The following HEATR1 variants were observed in gnomAD, a reference collection of about 807,000 sequenced individuals.
HEATR1 encodes the protein HEAT repeat containing 1, also known as HEAT repeat-containing protein 1.
Under a neutral mutation model 248.2 loss-of-function variants are expected in HEATR1, and 77 were observed. The observed-to-expected ratio is 0.31, with a 90% CI of 0.26 to 0.37. The LOEUF is 0.37. Ranked by LOEUF, HEATR1 falls within the 10% of genes least tolerant of loss-of-function variation. The probability of loss-of-function intolerance (pLI) is 1.00; values close to 1 mark genes in which losing one functional copy is unlikely to be tolerated. For missense variants in HEATR1, 2,420 were observed against 2,504.9 expected (o/e 0.97, Z 0.72); for synonymous variants, 897 against 923.1 (o/e 0.97, Z 0.51).
At chr1:236,586,065 C>T (rs1187686829) in intron 15 of HEATR1, 124 bp from the exon 16 acceptor site, 9 of 1,343,858 alleles carry the variant, frequency 6.7e-6, no homozygotes, top group East Asian at 4.9e-5. Context: ...TCCTTGTATC[C>T]GATTCTGAAT....
chr1:236,596,689 G>A (rs1381217218), intron 6 of HEATR1, 147 bp downstream of exon 6: 65 of 714,388 alleles, frequency 9.1e-5, no homozygotes, highest in Non-Finnish European at 1.3e-4. Context: ...ATAAAAAAGT[G>A]TCATATTTTC....
chr1:236,553,506 C>A, intron 43 of HEATR1, 75 bp downstream of exon 43: 1 of 1,434,890 alleles, frequency 7.0e-7, no homozygotes. Context: ...GGGCCTACAT[C>A]TGTGACCACC....
intron 44 of HEATR1, 60 bp from the exon 45 acceptor site, chr1:236,551,050 T>C: frequency 2.3e-6 from 3 of 1,317,762 alleles, no homozygotes; most frequent in Non-Finnish European, 2.1e-6. Context: ...GCCTCGGTTC[T>C]CATTAGTTTA....
Position 236,595,973 on chromosome 1 carries a change from C to G in HEATR1, c.816G>C (p.Val272=). 1.9e-6 allele frequency: 3 copies of G among 1,613,850 alleles called. No individual in the cohort carries two copies. The highest frequency in any genetic ancestry group is 2.5e-6 in the Non-Finnish European group (3 of 1,179,830). ...AATTCACAAAGGTATTTTCCATGGT[C>G]ACTTTCACAGAAATCTGACATATTA... is the stretch of plus-strand genomic sequence containing the variant. ...YMIICQISVK[V]TMENTFVNSL... Residue 272 remains valine, a synonymous_variant, in exon 7 of 45, where the codon GTG becomes GTC. Coordinates refer to ENST00000366582, the MANE Select transcript of HEATR1 (RefSeq NM_018072.6).
chr1:236,550,991 C>G lies in HEATR1; in HGVS notation c.6347-1G>C. The G allele has an allele frequency of 1.0e-6, 1 of 953,678 alleles. No homozygotes were observed. The highest frequency in any genetic ancestry group is 1.5e-6 in the Non-Finnish European group (1 of 679,780). The allele number at this position is 953,678 out of a possible 1,614,324, so 59.1% of individuals were successfully genotyped here. A position where few individuals can be genotyped will look rare whatever the true frequency, so the allele number is the denominator to read the frequency against. The stretch of plus-strand genomic sequence containing the variant: ...TGATGTTCTACTTCTTCACATTCAT[C>G]TAAAAAAAAAAAAAAAAAATCAAAA... On this transcript the variant is annotated splice_acceptor_variant, in intron 44 of 44. Transcript: ENST00000366582. LOFTEE classifies it high-confidence loss of function.
In HEATR1 at chr1:236,549,362, A is replaced by G. The variant is rs1572025108; in HGVS notation, c.*1540T>C. On this transcript the variant is annotated 3_prime_UTR_variant, in exon 45 of 45. Transcript: ENST00000366582. Reference sequence around the variant, plus strand: ...TTTACAGGTCAGATCTTGTTACAGGAAATTTCAAAGGTTTGGGAGTGGGGA... The same window carrying G: ...TTTACAGGTCAGATCTTGTTACAGGGAATTTCAAAGGTTTGGGAGTGGGGA... 1 of 175,198 alleles carries G rather than the reference A, an allele frequency of 5.7e-6. No individual in the cohort carries two copies. The highest frequency in any genetic ancestry group is 2.3e-5 in the African/African-American group (1 of 42,652). The allele number at this position is 175,198 out of a possible 1,614,324, so 10.9% of individuals were successfully genotyped here.
intron 22 of HEATR1, among the ~76,000 whole-genome samples, chr1:236,575,602 A>G (rs12030884): frequency 1.3e-5 from 2 of 152,344 alleles, no homozygotes; most frequent in East Asian, 3.9e-4. Flanking sequence ...AAGAAAGTGT[A>G]ATCAAATGGT....
At chr1:236,554,296 G>C (rs1662874799) in intron 42 of HEATR1, among the ~76,000 whole-genome samples, 1 of 152,108 alleles carries the variant, frequency 6.6e-6, no homozygotes, top group Admixed American at 6.6e-5. Flanking sequence ...GGAGGCTGAG[G>C]CACAAGAATT....
chr1:236,557,926 A>G (rs1406658503), intron 36 of HEATR1, among the ~76,000 whole-genome samples: 1 of 152,194 alleles, frequency 6.6e-6, no homozygotes, highest in Non-Finnish European at 1.5e-5. Context: ...TTCTGTTTGA[A>G]GATTAATTAT....
chr1:236,597,681 T>C (rs1350206090), intron 5 of HEATR1, among the ~76,000 whole-genome samples, 197 bp downstream of exon 5: 2 of 140,154 alleles, frequency 1.4e-5, no homozygotes, highest in East Asian at 4.2e-4. Flanking sequence ...ACACCTTTGG[T>C]GATAAAAGAC....
In HEATR1 at chr1:236,585,200, C is replaced by T; in HGVS notation, c.2066G>A (p.Ser689Asn). The T allele has an allele frequency of 6.2e-7, 1 of 1,609,934 alleles. No individual in the cohort carries two copies. The highest frequency in any genetic ancestry group is 1.3e-5 in the African/African-American group (1 of 74,740). ...SMLKMVEDLI[S>N]VGEEESFNLK... ...GTTAAAGGACTCCTCCTCACCCACGCTTATTAAATCCTCCACCTTGAAAAA... is the reference window on the plus strand; with the variant it reads ...GTTAAAGGACTCCTCCTCACCCACGTTTATTAAATCCTCCACCTTGAAAAA... Residue 689 changes from serine (S) to asparagine (N), a missense_variant, in exon 17 of 45, where the codon AGC (serine) becomes AAC (asparagine). Transcript: ENST00000366582.
At chr1:236,602,006 G>T (rs1418776375) in intron 3 of HEATR1, among the ~76,000 whole-genome samples, 1 of 151,924 alleles carries the variant, frequency 6.6e-6, no homozygotes, top group Non-Finnish European at 1.5e-5. Flanking sequence ...GGGCGTAGTG[G>T]TATGTGCCTG....
chr1:236,595,496 C>A, intron 8 of HEATR1, 44 bp downstream of exon 8: 3 of 1,525,344 alleles, frequency 2.0e-6, no homozygotes, highest in South Asian at 2.4e-5. Context: ...ATTTTAAGAT[C>A]AAATCTTAGA....
chr1:236,585,343 T>C lies in HEATR1; in HGVS notation c.2050-127A>G, dbSNP rs41308158. ...TGAGATGACAAACAGAAAGCCTTTA[T>C]AAAGTACTAAGCACTGATTTCTAAG... On this transcript the variant is annotated intron_variant, in intron 16 of 44. Transcript: ENST00000366582. The C allele has an allele frequency of 2.0e-3, 1,367 of 684,990 alleles. 4 individuals carry two copies. Among genetic ancestry groups the C allele is most frequent in the Non-Finnish European group, 3.0e-3 (1,279 of 423,400 alleles). The allele number at this position is 684,990 out of a possible 1,614,324, so 42.4% of individuals were successfully genotyped here. A position where few individuals can be genotyped will look rare whatever the true frequency, so the allele number is the denominator to read the frequency against.
Position 236,597,872 on chromosome 1 carries a change from G to A in HEATR1, c.603+6C>T, listed in dbSNP as rs202233531. 6.3e-7 allele frequency: 1 copy of A among 1,589,722 alleles called. No homozygotes were observed. The highest frequency in any genetic ancestry group is 1.3e-5 in the African/African-American group (1 of 74,508). ...AAATTATATACTCATGAAACAGACT[G>A]CTCACCTTCACAGATTTTGTCACCA... On this transcript the variant is annotated splice_donor_region_variant and intron_variant, in intron 5 of 44. Coordinates refer to ENST00000366582, the MANE Select transcript of HEATR1 (RefSeq NM_018072.6).
intron 36 of HEATR1, among the ~76,000 whole-genome samples, chr1:236,557,809 A>T (rs1178937510): frequency 2.0e-5 from 3 of 152,212 alleles, no homozygotes; most frequent in Non-Finnish European, 4.4e-5. Flanking sequence ...TCTGCCAAGA[A>T]CCTTCACCCA....
At chr1:236,590,745 T>C (rs1171861730) in intron 12 of HEATR1, 102 bp downstream of exon 12, 3 of 464,946 alleles carry the variant, frequency 6.5e-6, no homozygotes, top group Non-Finnish European at 1.2e-5. Context: ...TCAACTCATC[T>C]GTATCATTAC....
At chr1:236,588,178 C>CTG in intron 12 of HEATR1, 135 bp from the exon 13 acceptor site, 1 of 555,238 alleles carries the variant, frequency 1.8e-6, no homozygotes, top group Non-Finnish European at 3.2e-6. Flanking sequence ...TGGATGAGGA[C>CTG]TGAAACACAC....
chr1:236,581,730 T>C (rs944692515), intron 19 of HEATR1, among the ~76,000 whole-genome samples: 4 of 152,172 alleles, frequency 2.6e-5, no homozygotes, highest in African/African-American at 9.6e-5. Context: ...TGTCAAATGC[T>C]GTAGAGAGAA....
Sources: allele counts gnomAD v4.1 joint callset (sites outside exome capture counted in the v4.1 genomes callset), GRCh38; gene constraint gnomAD v4.1.1; transcripts MANE v1.5; gene names NCBI Gene and HGNC (gene_info 2026-07-23, HGNC 2026-07-21).